Variants in TRDN observed in about 807,000 individuals in gnomAD.
The protein encoded by TRDN is triadin, also known as triadin in skeletal muscle.
TRDN carries 161 observed loss-of-function variants against 149.7 expected under a neutral mutation model. The ratio of observed to expected loss-of-function variants is 1.08; its 90% CI spans 0.95 to 1.23. TRDN has a LOEUF of 1.23. Among genes scored for constraint, TRDN ranks in the 50% most tolerant of loss-of-function variants. The pLI, the probability that TRDN is intolerant of heterozygous loss-of-function variation, is 0.00. For synonymous variants in TRDN, 294 were observed against 250.5 expected, an observed-to-expected ratio of 1.17 and a Z score of -1.64; for missense variants, 896 against 823.5, an observed-to-expected ratio of 1.09 and a Z score of -1.08.
intron 19 of TRDN, among the ~76,000 whole-genome samples, chr6:123,373,480 C>G (rs561192507): frequency 3.3e-5 from 5 of 152,252 alleles, no homozygotes; most frequent in Admixed American, 6.5e-5. Context: ...AATATATGCT[C>G]TATTCTGAAG....
In TRDN at chr6:123,271,194, A is replaced by G. The variant is rs202183696; in HGVS notation, c.1673-8T>C. 43 of 1,531,144 alleles carry G rather than the reference A, an allele frequency of 2.8e-5. 1 individual carries two copies. The Middle Eastern group carries it at 6.8e-4, about 24-fold the overall frequency. The allele number at this position is 1,531,144 out of a possible 1,614,324, so 94.8% of individuals were successfully genotyped here. A position where few individuals can be genotyped will look rare whatever the true frequency, so the allele number is the denominator to read the frequency against. ...GCTTGAGAACTTTTTCTTCTGTGAT[A>G]GGAAAAAATGTTAACACAAGTAGGA... is the stretch of plus-strand genomic sequence containing the variant. On this transcript the variant is annotated splice_region_variant and splice_polypyrimidine_tract_variant and intron_variant, in intron 29 of 40. Transcript: ENST00000334268.
chr6:123,311,040 G>A (rs1778798268), intron 24 of TRDN, among the ~76,000 whole-genome samples: 2 of 151,902 alleles, frequency 1.3e-5, no homozygotes, highest in Admixed American at 1.3e-4. Flanking sequence ...CCTGGACAAT[G>A]AGAACCTGTA....
At chr6:123,238,169 G>T (rs1775856780) in intron 38 of TRDN, among the ~76,000 whole-genome samples, 2 of 152,142 alleles carry the variant, frequency 1.3e-5, no homozygotes, top group African/African-American at 4.8e-5. Context: ...GGAAAAGTAT[G>T]CTATCAAAAG....
intron 4 of TRDN, among the ~76,000 whole-genome samples, chr6:123,538,384 TGA>T (rs2114383594): frequency 6.6e-6 from 1 of 152,308 alleles, no homozygotes; most frequent in East Asian, 1.9e-4. Context: ...AGCTGTTTGC[TGA>T]ATTATTAATA....
intron 19 of TRDN, among the ~76,000 whole-genome samples, chr6:123,373,793 G>A (rs1781409079): frequency 6.6e-6 from 1 of 152,030 alleles, no homozygotes; most frequent in East Asian, 1.9e-4. Context: ...TTAACATACT[G>A]TAAAATCATA....
chr6:123,333,668 A>T (rs759815418), intron 22 of TRDN, among the ~76,000 whole-genome samples: 1 of 151,982 alleles, frequency 6.6e-6, no homozygotes, highest in Non-Finnish European at 1.5e-5. Context: ...AGTGAGGAGG[A>T]TATTAAATCT....
In TRDN at chr6:123,483,904, C is replaced by G. The variant is rs564017215; in HGVS notation, c.853+13289G>C. ...TTCAATTGTGGAACAATTATTAGTG[C>G]TATGCAAGAATAACAGTATTATTAT... On this transcript the variant is annotated intron_variant, in intron 9 of 40. Coordinates refer to ENST00000334268, the MANE Select transcript of TRDN (RefSeq NM_006073.4). Among the ~76,000 whole-genome samples the G allele has an allele frequency of 2.6e-4, 40 of 152,126 alleles. 1 individual carries two copies. In the South Asian group the frequency reaches 7.1e-3, roughly 27 times the overall value.
chr6:123,465,605 G>A (rs201549572), intron 9 of TRDN, among the ~76,000 whole-genome samples: 352 of 68,028 alleles, frequency 5.2e-3, no homozygotes, highest in South Asian at 9.1e-3. Context: ...AAAAAAAAAA[G>A]AGAGAGAGAG....
At chr6:123,475,446 C>A (rs1209523902) in intron 9 of TRDN, among the ~76,000 whole-genome samples, 2 of 106,042 alleles carry the variant, frequency 1.9e-5, no homozygotes, top group Non-Finnish European at 3.7e-5. Flanking sequence ...AGTCCAGGAC[C>A]AGATGGATTC....
At chr6:123,475,107 A>T (rs1777401735) in intron 9 of TRDN, among the ~76,000 whole-genome samples, 2 of 151,726 alleles carry the variant, frequency 1.3e-5, no homozygotes, top group Admixed American at 1.3e-4. Flanking sequence ...CAAAAAATTA[A>T]TGAATCCAGG....
At chr6:123,341,066 C>T (rs1010469760) in intron 21 of TRDN, among the ~76,000 whole-genome samples, 5 of 151,678 alleles carry the variant, frequency 3.3e-5, no homozygotes, top group African/African-American at 1.2e-4. Flanking sequence ...TATTTTCAAT[C>T]TACTACAAAC....
intron 9 of TRDN, among the ~76,000 whole-genome samples, chr6:123,487,493 A>G (rs1778025902): frequency 6.6e-6 from 1 of 152,024 alleles, no homozygotes; most frequent in Non-Finnish European, 1.5e-5. Flanking sequence ...GCCATATTCT[A>G]CAATTTTTTT....
At chr6:123,477,300 C>G (rs1411496838) in intron 9 of TRDN, among the ~76,000 whole-genome samples, 7 of 137,626 alleles carry the variant, frequency 5.1e-5, no homozygotes, top group Non-Finnish European at 7.9e-5. Flanking sequence ...CCAAAAAACA[C>G]ATGAAAAAAT....
At chr6:123,307,531 T>C (rs1778658463) in intron 24 of TRDN, among the ~76,000 whole-genome samples, 1 of 152,030 alleles carries the variant, frequency 6.6e-6, no homozygotes, top group Non-Finnish European at 1.5e-5. Context: ...TCACTTATGA[T>C]TGATGCATTT....
rs568200542 is a variant in TRDN at position 123,603,062 on chromosome 6, C to T, written c.23-31930G>A. ...AAATTTCAGATATTCAGAACTCAGA[C>T]CTTTGTTATTCCAAGGACTAATGTA... On this transcript the variant is annotated intron_variant, in intron 1 of 40. Transcript: ENST00000334268. Among the ~76,000 whole-genome samples, 7 of 102,896 alleles carry T rather than the reference C, an allele frequency of 6.8e-5. No individual in the cohort carries two copies. In the South Asian group the frequency reaches 1.2e-3, roughly 18 times the overall value. The allele number at this position is 102,896 out of a possible 152,430, so 67.5% of individuals were successfully genotyped here.
intron 9 of TRDN, among the ~76,000 whole-genome samples, chr6:123,478,915 ATTTG>A (rs1274006498): frequency 2.0e-5 from 3 of 152,110 alleles, no homozygotes; most frequent in African/African-American, 7.2e-5. Context: ...TTCTCAATAC[ATTTG>A]TTTATTTACA....
Position 123,339,284 on chromosome 6 carries a change from C to T in TRDN, c.1370-1615G>A, listed in dbSNP as rs533386109. On this transcript the variant is annotated intron_variant, in intron 21 of 40. Coordinates refer to ENST00000334268, the MANE Select transcript of TRDN (RefSeq NM_006073.4). ...TCTCCCAAAGTGCTGGGATTACAGG[C>T]GTGAGCCACCATGCCCGGCCATGTA... is the stretch of plus-strand genomic sequence containing the variant. Among the ~76,000 whole-genome samples, 4 of 152,106 alleles carry T rather than the reference C, an allele frequency of 2.6e-5. No homozygotes were observed. In the South Asian group the frequency reaches 8.3e-4, roughly 32 times the overall value.
At chr6:123,326,942 C>A (rs1251579845) in intron 23 of TRDN, among the ~76,000 whole-genome samples, 1 of 151,838 alleles carries the variant, frequency 6.6e-6, no homozygotes, top group African/African-American at 2.4e-5. Flanking sequence ...GCTAATCTTC[C>A]TCTTCTGGAT....
chr6:123,308,826 A>C (rs1294543102), intron 24 of TRDN, among the ~76,000 whole-genome samples: 2 of 152,080 alleles, frequency 1.3e-5, no homozygotes, highest in African/African-American at 4.8e-5. Flanking sequence ...GTCTGTTTAA[A>C]GCACAAGTAC....
Sources: gnomAD v4.1 joint callset for allele counts (sites outside exome capture counted in the v4.1 genomes callset) on GRCh38, gnomAD v4.1.1 for gene constraint, MANE v1.5 for transcripts, NCBI Gene and HGNC (gene_info 2026-07-23, HGNC 2026-07-21) for gene names.